UNC5C: variants seen among roughly 807,000 people sequenced by gnomAD.
The protein encoded by UNC5C is netrin receptor UNC5C.
Under a neutral mutation model 99.8 loss-of-function variants are expected in UNC5C, and 47 were observed. The observed-to-expected ratio is 0.47, with a 90% CI of 0.37 to 0.60. UNC5C has a LOEUF of 0.60. UNC5C is among the 20% of genes least tolerant of loss of function. The pLI, the probability that UNC5C is intolerant of heterozygous loss-of-function variation, is 0.00. For synonymous variants in UNC5C, 487 were observed against 452.2 expected (o/e 1.08, Z -0.98); for missense variants, 1,062 against 1,165.9 (o/e 0.91, Z 1.30).
intron 1 of UNC5C, among the ~76,000 whole-genome samples, chr4:95,513,853 G>T (rs1722141615): frequency 6.6e-6 from 1 of 152,070 alleles, no homozygotes. Context: ...ACTTATTTGG[G>T]AAATTCATTT....
chr4:95,198,259 G>T (rs1737513220), intron 12 of UNC5C, among the ~76,000 whole-genome samples: 1 of 152,136 alleles, frequency 6.6e-6, no homozygotes. Context: ...AAAGTGCTGG[G>T]ATTACAGGCG....
At chr4:95,448,215 TGTGTGTGTGTGTGA>T (rs1747166733) in intron 1 of UNC5C, among the ~76,000 whole-genome samples, 1 of 93,864 alleles carries the variant, frequency 1.1e-5, no homozygotes, top group African/African-American at 3.7e-5. Context: ...TGTGTGTGTG[TGTGTGTGTGTGTGA>T]GAGAGAGAGA....
chr4:95,378,233 A>G (rs143668035), intron 1 of UNC5C, among the ~76,000 whole-genome samples: 12 of 152,214 alleles, frequency 7.9e-5, no homozygotes, highest in Non-Finnish European at 1.6e-4. Context: ...TGAATTGGCC[A>G]CATCAAAAGT....
At chr4:95,288,094 A>ATTTATTTATTTT (rs1347362179) in intron 3 of UNC5C, among the ~76,000 whole-genome samples, 2 of 151,160 alleles carry the variant, frequency 1.3e-5, no homozygotes, top group Non-Finnish European at 2.9e-5. Flanking sequence ...TTATTTATTT[A>ATTTATTTATTTT]TTTTTTGAGA....
chr4:95,232,297 GTTATA>G (rs890286487), intron 7 of UNC5C, among the ~76,000 whole-genome samples: 3 of 150,744 alleles, frequency 2.0e-5, no homozygotes, highest in Non-Finnish European at 4.4e-5. Context: ...TTATATAAGT[GTTATA>G]TTATATAATG....
intron 1 of UNC5C, among the ~76,000 whole-genome samples, chr4:95,477,694 A>G (rs571543600): frequency 1.6e-4 from 24 of 152,078 alleles, no homozygotes; most frequent in Admixed American, 2.6e-4. Context: ...AACTCCTGTT[A>G]CATTTAAACT....
chr4:95,523,969 T>C (rs974133695), intron 1 of UNC5C, among the ~76,000 whole-genome samples: 21 of 152,148 alleles, frequency 1.4e-4, no homozygotes, highest in African/African-American at 4.8e-4. Context: ...AAATGAGCAG[T>C]TGGAAGTTTA....
At chr4:95,433,170 T>C (rs1384866) in intron 1 of UNC5C, among the ~76,000 whole-genome samples, 20,119 of 152,148 alleles carry the variant, frequency 0.13, 1,897 homozygotes, top group Admixed American at 0.28. Context: ...TTTGTGTTTA[T>C]ACTTAGTCAA....
At chr4:95,482,596 C>G (rs1372774444) in intron 1 of UNC5C, among the ~76,000 whole-genome samples, 2 of 148,906 alleles carry the variant, frequency 1.3e-5, no homozygotes, top group Non-Finnish European at 3.0e-5. Flanking sequence ...ATAGCAAAGA[C>G]TTGGAACCAA....
intron 7 of UNC5C, among the ~76,000 whole-genome samples, chr4:95,240,906 G>A (rs1390508288): frequency 2.0e-5 from 3 of 152,122 alleles, no homozygotes; most frequent in African/African-American, 7.2e-5. Context: ...TGTATTCCTT[G>A]TTAAAGAGGT....
rs539325237 is a variant in UNC5C, at chr4:95,339,465, C to A, written c.125-3834G>T. Reference sequence around the variant, plus strand: ...TTAATATTACCATACTACAAAAAAACCCCACAAAACAAAATGAAAAAAACA... The same window carrying A: ...TTAATATTACCATACTACAAAAAAAACCCACAAAACAAAATGAAAAAAACA... On this transcript the variant is annotated intron_variant, in intron 1 of 15. Coordinates refer to ENST00000453304, the MANE Select transcript of UNC5C (RefSeq NM_003728.4). Among the ~76,000 whole-genome samples, 399 of 151,506 alleles carry A rather than the reference C, an allele frequency of 2.6e-3. 2 individuals carry two copies. Among genetic ancestry groups the A allele is most frequent in the African/African-American group, 8.5e-3 (350 of 41,302 alleles).
intron 1 of UNC5C, among the ~76,000 whole-genome samples, chr4:95,505,546 T>C (rs1721894284): frequency 1.3e-5 from 2 of 152,072 alleles, no homozygotes; most frequent in African/African-American, 4.8e-5. Flanking sequence ...TTTGGTTCTG[T>C]CATTGGGTGA....
rs1415285345 is a variant in UNC5C, at chr4:95,170,309, C to T, written c.2475G>A (p.Pro825=). The change falls in exon 15 of 16, where the codon CCG becomes CCA. Residue 825 remains proline (P), a synonymous_variant. Transcript: ENST00000453304. ...VSEEPTGIDL[P]LLDPANTITT... ...TGATGGTGTTCGCAGGATCCAGCAGCGGCAAATCGATGCCAGTAGGTTCCT... is the reference window on the plus strand; with the variant it reads ...TGATGGTGTTCGCAGGATCCAGCAGTGGCAAATCGATGCCAGTAGGTTCCT... The T allele has an allele frequency of 7.4e-6, 12 of 1,614,060 alleles. No homozygotes were observed. In the East Asian group the frequency reaches 1.1e-4, roughly 15 times the overall value.
chr4:95,447,660 C>T (rs1046054279), intron 1 of UNC5C, among the ~76,000 whole-genome samples: 20 of 152,116 alleles, frequency 1.3e-4, no homozygotes, highest in African/African-American at 4.8e-4. Flanking sequence ...GTCACCACGC[C>T]CAGCTAACTT....
intron 1 of UNC5C, among the ~76,000 whole-genome samples, chr4:95,455,966 A>C (rs1198034479): frequency 6.6e-6 from 1 of 152,122 alleles, no homozygotes; most frequent in Admixed American, 6.6e-5. Context: ...AGTGTCTGAA[A>C]CCACAAGTTT....
intron 1 of UNC5C, among the ~76,000 whole-genome samples, chr4:95,381,346 C>T (rs1387545627): frequency 6.6e-6 from 1 of 152,192 alleles, no homozygotes; most frequent in Non-Finnish European, 1.5e-5. Flanking sequence ...CTGAAGTTCA[C>T]AGCAGATCTG....
At chr4:95,410,328 C>A (rs1174977388) in intron 1 of UNC5C, among the ~76,000 whole-genome samples, 1 of 152,136 alleles carries the variant, frequency 6.6e-6, no homozygotes, top group East Asian at 1.9e-4. Flanking sequence ...AGGTCCCAGT[C>A]TCATTAATGA....
At chr4:95,317,532 G>A (rs555550392) in intron 2 of UNC5C, among the ~76,000 whole-genome samples, 195 of 152,304 alleles carry the variant, frequency 1.3e-3, no homozygotes, top group Admixed American at 2.6e-3. Flanking sequence ...TGGCAACAAT[G>A]TGGAGAAAGA....
At chr4:95,196,217 G>A (rs1254765097) in intron 12 of UNC5C, among the ~76,000 whole-genome samples, 1 of 152,080 alleles carries the variant, frequency 6.6e-6, no homozygotes, top group Admixed American at 6.6e-5. Flanking sequence ...TAGGATTTAA[G>A]TCATTGCAAA....
Sources: allele counts gnomAD v4.1 joint callset (sites outside exome capture counted in the v4.1 genomes callset), GRCh38; gene constraint gnomAD v4.1.1; transcripts MANE v1.5; gene names NCBI Gene and HGNC (gene_info 2026-07-23, HGNC 2026-07-21).